The following RPS6KA2 variants were observed in gnomAD, a reference collection of about 807,000 sequenced individuals.
RPS6KA2 encodes the protein ribosomal protein S6 kinase alpha-2.
Under a neutral mutation model 91.8 loss-of-function variants are expected in RPS6KA2, and 42 were observed. That is an observed-to-expected ratio of 0.46 (90% CI 0.36 to 0.59). RPS6KA2 has a LOEUF of 0.59. Ranked by LOEUF, RPS6KA2 falls within the 20% of genes least tolerant of loss-of-function variation. The pLI is 0.00. For missense variants in RPS6KA2, 798 were observed against 978.5 expected (o/e 0.82, Z 2.46); for synonymous variants, 414 against 393.6 (o/e 1.05, Z -0.61).
intron 2 of RPS6KA2, among the ~76,000 whole-genome samples, chr6:166,674,375 T>C (rs1447906348): frequency 6.6e-6 from 1 of 152,084 alleles, no homozygotes; most frequent in Non-Finnish European, 1.5e-5. Context: ...AGGCCTGTGG[T>C]GTCCGTTCTG....
chr6:166,439,611 T>C (rs936463785), intron 14 of RPS6KA2, among the ~76,000 whole-genome samples: 1 of 152,022 alleles, frequency 6.6e-6, no homozygotes, highest in African/African-American at 2.4e-5. Context: ...ACACAGACAG[T>C]GAACAACCCA....
At chr6:166,790,365 A>AAAAG (rs1456092085) in intron 2 of RPS6KA2, among the ~76,000 whole-genome samples, 1 of 152,258 alleles carries the variant, frequency 6.6e-6, no homozygotes, top group Non-Finnish European at 1.5e-5. Context: ...GGACTACGTG[A>AAAAG]AAAGACCAAA....
chr6:166,615,262 C>T (rs186481538), intron 1 of RPS6KA2, among the ~76,000 whole-genome samples: 87 of 152,314 alleles, frequency 5.7e-4, no homozygotes, highest in African/African-American at 2.0e-3. Flanking sequence ...CTGAGCCATG[C>T]GACTCCCGCA....
intron 2 of RPS6KA2, among the ~76,000 whole-genome samples, chr6:166,839,940 G>A (rs1159478674): frequency 2.0e-5 from 3 of 151,494 alleles, no homozygotes; most frequent in African/African-American, 7.3e-5. Flanking sequence ...GACAAAAATC[G>A]ACCTCTCCAA....
intron 1 of RPS6KA2, among the ~76,000 whole-genome samples, chr6:166,615,118 T>C (rs776905968): frequency 1.4e-4 from 22 of 152,304 alleles, no homozygotes; most frequent in Middle Eastern, 3.4e-3. Flanking sequence ...TTTCCTGCCA[T>C]TGAAATCCCA....
chr6:166,827,487 A>G (rs959247497), intron 2 of RPS6KA2, among the ~76,000 whole-genome samples: 2 of 152,198 alleles, frequency 1.3e-5, no homozygotes, highest in African/African-American at 4.8e-5. Flanking sequence ...TCCTGAATAT[A>G]TACATAGTTT....
intron 1 of RPS6KA2, among the ~76,000 whole-genome samples, chr6:166,572,171 C>T (rs1784709317): frequency 2.0e-5 from 3 of 152,140 alleles, no homozygotes; most frequent in South Asian, 4.1e-4. Context: ...CAAAATGTCC[C>T]CAGATATTAA....
Position 166,733,661 on chromosome 6 carries a change from C to T in RPS6KA2, c.123+124539G>A, listed in dbSNP as rs548702763. On this transcript the variant is annotated intron_variant, in intron 2 of 21. Transcript: ENST00000503859. This position sits in a 1 kb window ranked among gnomAD's most constrained non-coding sequence, Gnocchi z 4.1. ...TAACACGGAGGTCACTAGCATCCCT[C>T]GTGGACAGTTTCCATGGAATGTCCC... Among the ~76,000 whole-genome samples the T allele has an allele frequency of 4.7e-4, 71 of 152,306 alleles. No homozygotes were observed. Among genetic ancestry groups the T allele is most frequent in the African/African-American group, 1.6e-3 (65 of 41,552 alleles).
chr6:166,729,156 A>G (rs563327759), intron 2 of RPS6KA2, among the ~76,000 whole-genome samples: 19 of 152,242 alleles, frequency 1.2e-4, no homozygotes, highest in African/African-American at 4.3e-4. Flanking sequence ...AGCGTGAAAC[A>G]AGATTGACAT....
chr6:166,810,102 T>C (rs1273251858), intron 2 of RPS6KA2, among the ~76,000 whole-genome samples: 2 of 151,932 alleles, frequency 1.3e-5, no homozygotes, highest in African/African-American at 4.8e-5. Context: ...ATGGAGCGAG[T>C]GCACGCAGGG....
chr6:166,537,980 G>A (rs1235417553), intron 2 of RPS6KA2, among the ~76,000 whole-genome samples: 1 of 152,216 alleles, frequency 6.6e-6, no homozygotes, highest in South Asian at 2.1e-4. Context: ...ATTAAATGAA[G>A]AGCCAACTAT....
chr6:166,746,041 G>A (rs1790998003), intron 2 of RPS6KA2, among the ~76,000 whole-genome samples: 2 of 152,280 alleles, frequency 1.3e-5, no homozygotes, highest in South Asian at 4.2e-4. Context: ...TATCCGTGTT[G>A]CAGCTACTGA....
At chr6:166,846,548 G>T (rs9366064) in intron 2 of RPS6KA2, among the ~76,000 whole-genome samples, 2 of 152,090 alleles carry the variant, frequency 1.3e-5, no homozygotes, top group East Asian at 3.9e-4. Context: ...TGCAGGGATG[G>T]TTTAACATCC....
chr6:166,704,584 A>T (rs1221590606), intron 2 of RPS6KA2, among the ~76,000 whole-genome samples: 1 of 152,210 alleles, frequency 6.6e-6, no homozygotes, highest in Non-Finnish European at 1.5e-5. Context: ...CCAGGAACAC[A>T]CTTGGATGCC....
intron 2 of RPS6KA2, among the ~76,000 whole-genome samples, chr6:166,708,966 T>C (rs945419509): frequency 2.0e-5 from 3 of 152,076 alleles, no homozygotes; most frequent in East Asian, 1.9e-4. Flanking sequence ...AGATATGAAA[T>C]AGAAGTGACA....
intron 3 of RPS6KA2, among the ~76,000 whole-genome samples, chr6:166,517,832 C>G (rs1782712231): frequency 6.6e-6 from 1 of 152,234 alleles, no homozygotes; most frequent in Non-Finnish European, 1.5e-5. Flanking sequence ...CCTTAAGGAC[C>G]TGTTCCTGCT....
chr6:166,514,945 T>C (rs898605210), intron 3 of RPS6KA2, among the ~76,000 whole-genome samples: 2 of 152,296 alleles, frequency 1.3e-5, no homozygotes, highest in Non-Finnish European at 2.9e-5. Context: ...TGTTGAGTGC[T>C]GGGGACATGC....
intron 1 of RPS6KA2, among the ~76,000 whole-genome samples, chr6:166,607,578 T>C (rs1437016278): frequency 6.6e-6 from 1 of 152,108 alleles, no homozygotes; most frequent in Non-Finnish European, 1.5e-5. Context: ...TAGGCAACTC[T>C]ACGGAGACAG....
chr6:166,568,748 GAGGTGACTGTGCTTGTCCCTGC>G (rs1784586692), intron 1 of RPS6KA2, among the ~76,000 whole-genome samples: 1 of 151,176 alleles, frequency 6.6e-6, no homozygotes, highest in Non-Finnish European at 1.5e-5. Flanking sequence ...CCCTGCCCTG[GAGGTGACTGTGCTTGTCCCTGC>G]ATAGCTAGTG....
Sources: gnomAD v4.1 joint callset for allele counts (sites outside exome capture counted in the v4.1 genomes callset) on GRCh38, gnomAD v4.1.1 for gene constraint, Gnocchi (gnomAD v3.1) non-coding constraint, MANE v1.5 for transcripts, NCBI Gene and HGNC (gene_info 2026-07-23, HGNC 2026-07-21) for gene names.